Variants in ADGRD1 observed in about 807,000 individuals in gnomAD.
ADGRD1 encodes adhesion G protein-coupled receptor D1.
Under a neutral mutation model 113.4 loss-of-function variants are expected in ADGRD1, and 77 were observed. The ratio of observed to expected loss-of-function variants is 0.68; its 90% CI spans 0.57 to 0.82. ADGRD1 has a LOEUF of 0.82. ADGRD1 is among the 40% of genes least tolerant of loss of function. The pLI, the probability that ADGRD1 is intolerant of heterozygous loss-of-function variation, is 0.00. For missense variants in ADGRD1, 1,036 were observed against 1,139.1 expected (o/e 0.91, Z 1.30); for synonymous variants, 474 against 475.0 (o/e 1.00, Z 0.03).
At chr12:130,979,066 G>A (rs562756196) in intron 4 of ADGRD1, among the ~76,000 whole-genome samples, 3 of 152,200 alleles carry the variant, frequency 2.0e-5, no homozygotes, top group Non-Finnish European at 4.4e-5. Context: ...TTCATGAGGT[G>A]GGTGTGGGTG....
At chr12:131,031,466 C>G (rs1019373745) in intron 13 of ADGRD1, among the ~76,000 whole-genome samples, 1 of 152,048 alleles carries the variant, frequency 6.6e-6, no homozygotes, top group African/African-American at 2.4e-5. Flanking sequence ...AAATGCAGTC[C>G]CTCACCCATG....
rs764762001 is a variant in ADGRD1, at chr12:131,078,197, C to T, written c.1547+1323C>T. 4.1e-4 allele frequency among the ~76,000 whole-genome samples: 62 copies of T among 152,236 alleles called. 1 individual carries two copies. The highest frequency in any genetic ancestry group is 5.1e-4 in the Non-Finnish European group (35 of 68,042). The stretch of plus-strand genomic sequence containing the variant: ...CCCAGAGGGCCAGGAGATTGCAAGA[C>T]GCTGAGCTGGGGGTGCAGCAGCAGG... On this transcript the variant is annotated intron_variant, in intron 14 of 24. Transcript: ENST00000261654.
chr12:130,991,207 T>C lies in ADGRD1; in HGVS notation c.810+129T>C, dbSNP rs986997934. 8.7e-6 allele frequency: 6 copies of C among 692,650 alleles called. No individual in the cohort carries two copies. The African/African-American group carries it at 9.0e-5, about 10-fold the overall frequency. 42.9% of individuals were successfully genotyped at this position (692,650 alleles called of 1,614,324 possible). Reference sequence around the variant, plus strand: ...CGGCAGTACATTGTCTGGGAAGAAATAACAAATGGAGGGGAAGCCAACTGC... The same window carrying C: ...CGGCAGTACATTGTCTGGGAAGAAACAACAAATGGAGGGGAAGCCAACTGC... On this transcript the variant is annotated intron_variant, in intron 7 of 24. Coordinates refer to ENST00000261654, the MANE Select transcript of ADGRD1 (RefSeq NM_198827.5).
chr12:130,960,881 G>A (rs1235140917), intron 2 of ADGRD1, among the ~76,000 whole-genome samples: 1 of 152,180 alleles, frequency 6.6e-6, no homozygotes, highest in Non-Finnish European at 1.5e-5. Flanking sequence ...GTGGCATGAG[G>A]GGAGGGGTCC....
chr12:131,066,441 G>C (rs1038313571), intron 13 of ADGRD1, among the ~76,000 whole-genome samples: 1 of 152,204 alleles, frequency 6.6e-6, no homozygotes, highest in Non-Finnish European at 1.5e-5. Flanking sequence ...ACTCCCAGCA[G>C]GGATGCCTGG....
chr12:131,022,145 G>A lies in ADGRD1; in HGVS notation c.1473+7805G>A, dbSNP rs888096222. Among the ~76,000 whole-genome samples the A allele has an allele frequency of 2.0e-5, 3 of 152,140 alleles. No individual in the cohort carries two copies. The highest frequency in any genetic ancestry group is 4.8e-5 in the African/African-American group (2 of 41,436). ...GTCTTGGGGGTTAGGGCTTCAACAGGTGACTTTAGTGGGGAGCAATTCGGC... is the reference window on the plus strand; with the variant it reads ...GTCTTGGGGGTTAGGGCTTCAACAGATGACTTTAGTGGGGAGCAATTCGGC... On this transcript the variant is annotated intron_variant, in intron 13 of 24. Transcript: ENST00000261654. The surrounding 1 kb of genome is among the most constrained non-coding windows in gnomAD (Gnocchi z 4.6).
chr12:131,095,330 G>A (rs1378990987), intron 15 of ADGRD1, among the ~76,000 whole-genome samples: 1 of 152,242 alleles, frequency 6.6e-6, no homozygotes, highest in Non-Finnish European at 1.5e-5. Flanking sequence ...TGCCCCTCTT[G>A]ACAAATTCAA....
chr12:131,137,401 C>T (rs1039304472), intron 23 of ADGRD1, among the ~76,000 whole-genome samples: 1 of 152,252 alleles, frequency 6.6e-6, no homozygotes, highest in African/African-American at 2.4e-5. Context: ...GACTCTGGGG[C>T]AGCCAGCGCA....
intron 13 of ADGRD1, among the ~76,000 whole-genome samples, chr12:131,032,286 C>G (rs1880859636): frequency 6.6e-6 from 1 of 152,240 alleles, no homozygotes; most frequent in Non-Finnish European, 1.5e-5. Flanking sequence ...CAAAGACAGT[C>G]TCACAGGTCC....
rs1312367064 is a variant in ADGRD1 at position 131,055,171 on chromosome 12, C to T, written c.1474-21630C>T. ...AATAGACCAAAAAGATTGCTGAATG[C>T]GTTTCATGGGAAGTGGGTGTTATCT... is the stretch of plus-strand genomic sequence containing the variant. On this transcript the variant is annotated intron_variant, in intron 13 of 24. Transcript: ENST00000261654. 5.9e-5 allele frequency among the ~76,000 whole-genome samples: 9 copies of T among 152,162 alleles called. No individual in the cohort carries two copies. The South Asian group carries it at 8.3e-4, about 14-fold the overall frequency.
At chr12:131,091,147 G>T (rs1360076591) in intron 15 of ADGRD1, among the ~76,000 whole-genome samples, 4 of 152,092 alleles carry the variant, frequency 2.6e-5, no homozygotes, top group Non-Finnish European at 5.9e-5. Context: ...ACCCAGAGAA[G>T]GCAAGTTTTT....
chr12:131,004,786 C>T (rs1322521753), intron 11 of ADGRD1, among the ~76,000 whole-genome samples: 2 of 152,180 alleles, frequency 1.3e-5, no homozygotes, highest in Non-Finnish European at 2.9e-5. Flanking sequence ...AGGCCTCAGT[C>T]GAGTCACATA....
At position 131,057,289 on chromosome 12, in the gene ADGRD1, T is replaced by C. The variant is rs567143702; in HGVS notation, c.1474-19512T>C. On this transcript the variant is annotated intron_variant, in intron 13 of 24. Coordinates refer to ENST00000261654, the MANE Select transcript of ADGRD1 (RefSeq NM_198827.5). This position sits in a 1 kb window ranked among gnomAD's most constrained non-coding sequence, Gnocchi z 4.2. ...AAGCTGGGTTGGATGGCATCAGTGGTTCCTAATGTGTTGAGACACGCCGCG... is the reference window on the plus strand; with the variant it reads ...AAGCTGGGTTGGATGGCATCAGTGGCTCCTAATGTGTTGAGACACGCCGCG... Among the ~76,000 whole-genome samples, 1 of 152,260 alleles carries C rather than the reference T, an allele frequency of 6.6e-6. No homozygotes were observed. The highest frequency in any genetic ancestry group is 6.5e-5 in the Admixed American group (1 of 15,298).
intron 20 of ADGRD1, among the ~76,000 whole-genome samples, chr12:131,121,215 A>G (rs1197817455): frequency 6.6e-6 from 1 of 152,100 alleles, no homozygotes; most frequent in East Asian, 1.9e-4. Flanking sequence ...GTCCTTCCCC[A>G]TCCTCCGGTG....
rs532051193 is a variant in ADGRD1, at chr12:131,011,168, C to G, written c.1332-3031C>G. ...CACCTCACCCCTTCCCCACCCTGCC[C>G]CACCTCACCCCTGCCCCACCCTTCC... On this transcript the variant is annotated intron_variant, in intron 12 of 24. Coordinates refer to ENST00000261654, the MANE Select transcript of ADGRD1 (RefSeq NM_198827.5). Among the ~76,000 whole-genome samples the G allele has an allele frequency of 7.8e-3, 1,055 of 134,710 alleles. 27 individuals carry two copies. The highest frequency in any genetic ancestry group is 0.029 in the African/African-American group (989 of 34,546). 88.4% of individuals were successfully genotyped at this position (134,710 alleles called of 152,430 possible). A position where few individuals can be genotyped will look rare whatever the true frequency, so the allele number is the denominator to read the frequency against.
intron 13 of ADGRD1, among the ~76,000 whole-genome samples, chr12:131,074,793 A>C (rs571429345): frequency 9.3e-4 from 142 of 152,044 alleles, no homozygotes; most frequent in African/African-American, 3.2e-3. Flanking sequence ...GAGGGGAGGG[A>C]GTTTCCCCGT....
At chr12:131,005,857 A>T in intron 11 of ADGRD1, 115 bp from the exon 12 acceptor site, 2 of 802,028 alleles carry the variant, frequency 2.5e-6, no homozygotes, top group Non-Finnish European at 4.2e-6. Flanking sequence ...CCTTCTCCCC[A>T]GAGGGTTCTT....
chr12:131,102,735 C>T (rs558374920), intron 15 of ADGRD1, among the ~76,000 whole-genome samples: 13 of 152,194 alleles, frequency 8.5e-5, no homozygotes, highest in Non-Finnish European at 1.6e-4. Flanking sequence ...ACGGGCATGG[C>T]TGTGATTCCC....
chr12:131,079,258 C>T (rs1885883947), intron 14 of ADGRD1, among the ~76,000 whole-genome samples: 1 of 152,136 alleles, frequency 6.6e-6, no homozygotes, highest in Non-Finnish European at 1.5e-5. Flanking sequence ...TTTATCTTCT[C>T]CCGAGTAGAG....
Sources: allele counts gnomAD v4.1 joint callset (sites outside exome capture counted in the v4.1 genomes callset), GRCh38; gene constraint gnomAD v4.1.1; non-coding constraint Gnocchi (gnomAD v3.1); transcripts MANE v1.5; gene names NCBI Gene and HGNC (gene_info 2026-07-23, HGNC 2026-07-21).